The following CNNM2 variants were observed in gnomAD, a reference collection of about 807,000 sequenced individuals.
CNNM2 encodes the protein cyclin and CBS domain divalent metal cation transport mediator 2.
Under a neutral mutation model 66.9 loss-of-function variants are expected in CNNM2, and 12 were observed. The observed-to-expected ratio is 0.18, with a 90% confidence interval of 0.11 to 0.29. The LOEUF (loss-of-function observed/expected upper bound fraction) is 0.29. CNNM2 is among the 10% of genes least tolerant of loss of function. The pLI, the probability that CNNM2 is intolerant of heterozygous loss-of-function variation, is 1.00. For missense variants in CNNM2, 705 were observed against 1,167.7 expected (o/e 0.60, Z 5.77); for synonymous variants, 557 against 501.8 (o/e 1.11, Z -1.47).
intron 1 of CNNM2, among the ~76,000 whole-genome samples, chr10:103,012,500 T>C (rs1333912084): frequency 6.6e-6 from 1 of 151,986 alleles, no homozygotes; most frequent in Non-Finnish European, 1.5e-5. Flanking sequence ...ACAAAAAAAT[T>C]ATCCAGGCGT....
At chr10:102,999,076 CTTTT>C (rs141311858) in intron 1 of CNNM2, among the ~76,000 whole-genome samples, 2 of 138,950 alleles carry the variant, frequency 1.4e-5, no homozygotes, top group Non-Finnish European at 3.1e-5. Context: ...TTTCTTTTTT[CTTTT>C]TTTTTTTTGA....
chr10:102,977,423 C>G (rs1317342538), intron 1 of CNNM2, among the ~76,000 whole-genome samples: 1 of 152,154 alleles, frequency 6.6e-6, no homozygotes, highest in Non-Finnish European at 1.5e-5. Context: ...GATACTCAAC[C>G]TGTATTTCAA....
intron 1 of CNNM2, chr10:102,921,171 T>C (rs1397212604): frequency 2.6e-5 from 12 of 456,554 alleles, no homozygotes; most frequent in African/African-American, 4.3e-5. Flanking sequence ...CAGTAAATAG[T>C]GTTATTTGAA....
intron 1 of CNNM2, among the ~76,000 whole-genome samples, chr10:102,977,547 G>A (rs998872948): frequency 6.6e-6 from 1 of 152,146 alleles, no homozygotes; most frequent in Admixed American, 6.5e-5. Context: ...TTGGCTGGGC[G>A]CAGTGGCTCA....
At chr10:103,065,744 T>C (rs1352324462) in intron 4 of CNNM2, among the ~76,000 whole-genome samples, 1 of 152,188 alleles carries the variant, frequency 6.6e-6, no homozygotes, top group Admixed American at 6.5e-5. Flanking sequence ...ACGCAGCCAC[T>C]CTTGAGGTTA....
At chr10:102,935,858 G>A (rs549756301) in intron 1 of CNNM2, among the ~76,000 whole-genome samples, 1 of 145,850 alleles carries the variant, frequency 6.9e-6, no homozygotes, top group East Asian at 2.0e-4. Context: ...GCCTCAAGCA[G>A]TCCTTCCACC....
Position 102,919,645 on chromosome 10 carries a change from G to A in CNNM2, c.1165G>A (p.Ala389Thr), listed in dbSNP as rs1453335266. Residue 389 changes from alanine to threonine, a missense_variant, in exon 1 of 8, where the codon GCT (alanine) becomes ACT (threonine). Physicochemically the swap from Ala to Thr is moderately conservative, Grantham distance 58. Transcript: ENST00000369878. Reference sequence around the variant, plus strand: ...GTTTTTCATGATGATGACCTTCCCCGCTTCCTACCCGGTCAGCAAGCTGCT... The same window carrying A: ...GTTTTTCATGATGATGACCTTCCCCACTTCCTACCCGGTCAGCAAGCTGCT... ...TKFFMMMTFP[A>T]SYPVSKLLDC... 2 of 1,613,954 alleles carry A rather than the reference G, an allele frequency of 1.2e-6. No homozygotes were observed. Among genetic ancestry groups the A allele is most frequent in the Non-Finnish European group, 1.7e-6 (2 of 1,180,044 alleles).
chr10:102,918,410 G>A lies in CNNM2; in HGVS notation c.-71G>A. 3.2e-6 allele frequency: 5 copies of A among 1,550,284 alleles called. No individual in the cohort carries two copies. Among genetic ancestry groups the A allele is most frequent in the Non-Finnish European group, 4.3e-6 (5 of 1,155,080 alleles). The stretch of plus-strand genomic sequence containing the variant: ...GCCGCGGACGCTCCGTTGCAGTCTC[G>A]CCCAGGGGCCGGTACCTGCGCTCGC... On this transcript the variant is annotated 5_prime_UTR_variant, in exon 1 of 8. Coordinates refer to ENST00000369878, the MANE Select transcript of CNNM2 (RefSeq NM_017649.5). The surrounding 1 kb of genome is among the most constrained non-coding windows in gnomAD (Gnocchi z 4.1).
chr10:102,962,109 T>C (rs529242191), intron 1 of CNNM2, among the ~76,000 whole-genome samples: 3 of 151,966 alleles, frequency 2.0e-5, no homozygotes, highest in Non-Finnish European at 4.4e-5. Flanking sequence ...TAAAATTCAG[T>C]GTTGAAATGA....
intron 1 of CNNM2, among the ~76,000 whole-genome samples, chr10:103,041,032 C>T (rs1429251893): frequency 1.3e-5 from 2 of 152,154 alleles, no homozygotes; most frequent in African/African-American, 4.8e-5. Flanking sequence ...CTTAAGGGAC[C>T]TGCTATCAAC....
intron 1 of CNNM2, among the ~76,000 whole-genome samples, chr10:102,935,535 T>A (rs2134171686): frequency 6.6e-6 from 1 of 152,098 alleles, no homozygotes; most frequent in Admixed American, 6.5e-5. Flanking sequence ...TTGCAAAGAC[T>A]AGAAGAAACC....
rs139284287 is a variant in CNNM2 at position 102,941,676 on chromosome 10, C to G, written c.1621+21575C>G. ...TCCCTCCTTCCTTCAGATCTGTACT[C>G]AGATATCCCCGCTGTGGCCAGGCTG... On this transcript the variant is annotated intron_variant, in intron 1 of 7. Coordinates refer to ENST00000369878, the MANE Select transcript of CNNM2 (RefSeq NM_017649.5). 1.9e-3 allele frequency among the ~76,000 whole-genome samples: 287 copies of G among 152,334 alleles called. 2 individuals carry two copies. The highest frequency in any genetic ancestry group is 6.6e-3 in the African/African-American group (275 of 41,582).
At chr10:103,000,166 G>A (rs970880247) in intron 1 of CNNM2, among the ~76,000 whole-genome samples, 2 of 152,038 alleles carry the variant, frequency 1.3e-5, no homozygotes, top group African/African-American at 4.8e-5. Flanking sequence ...AACCTGGGGA[G>A]TGGAGGTTGC....
chr10:102,982,946 A>T (rs1467906433), intron 1 of CNNM2, among the ~76,000 whole-genome samples: 1 of 152,230 alleles, frequency 6.6e-6, no homozygotes, highest in Non-Finnish European at 1.5e-5. Flanking sequence ...CTGACAAGTG[A>T]ACAGAACTGA....
At chr10:103,037,858 T>A (rs1013038748) in intron 1 of CNNM2, among the ~76,000 whole-genome samples, 1 of 152,146 alleles carries the variant, frequency 6.6e-6, no homozygotes, top group Non-Finnish European at 1.5e-5. Flanking sequence ...TTGTTTTTTT[T>A]AAACAGCTCT....
chr10:103,023,490 G>T (rs1464279209), intron 1 of CNNM2, among the ~76,000 whole-genome samples: 3 of 152,150 alleles, frequency 2.0e-5, no homozygotes, highest in Non-Finnish European at 4.4e-5. Flanking sequence ...GGAGATTTTG[G>T]TGAGCCGAGA....
chr10:103,029,396 A>C (rs1425118163), intron 1 of CNNM2, among the ~76,000 whole-genome samples: 2 of 151,832 alleles, frequency 1.3e-5, no homozygotes, highest in Non-Finnish European at 2.9e-5. Flanking sequence ...CCCAGGTGGC[A>C]GAGGTTGCAG....
intron 1 of CNNM2, among the ~76,000 whole-genome samples, chr10:103,025,453 C>T (rs544363270): frequency 6.6e-6 from 1 of 152,342 alleles, no homozygotes; most frequent in South Asian, 2.1e-4. Context: ...TGGAGTGATA[C>T]TTCAGCACCA....
At chr10:102,975,017 G>A (rs1017912999) in intron 1 of CNNM2, among the ~76,000 whole-genome samples, 7 of 152,192 alleles carry the variant, frequency 4.6e-5, no homozygotes, top group African/African-American at 1.7e-4. Context: ...TAAAGGAAGA[G>A]GATTTGTACC....
Sources: gnomAD v4.1 joint callset for allele counts (sites outside exome capture counted in the v4.1 genomes callset) on GRCh38, gnomAD v4.1.1 for gene constraint, Gnocchi (gnomAD v3.1) non-coding constraint, MANE v1.5 for transcripts, NCBI Gene and HGNC (gene_info 2026-07-23, HGNC 2026-07-21) for gene names.